Variants in PRKG1 observed in about 807,000 individuals in gnomAD.
PRKG1 encodes the protein protein kinase cGMP-dependent 1.
PRKG1 carries 35 observed loss-of-function variants against 88.1 expected under a neutral mutation model. The ratio of observed to expected loss-of-function variants is 0.40; its 90% CI spans 0.30 to 0.53. The LOEUF is 0.53. Ranked by LOEUF, PRKG1 falls within the 20% of genes least tolerant of loss-of-function variation. The pLI, the probability that PRKG1 is intolerant of heterozygous loss-of-function variation, is 0.59. For missense variants in PRKG1, 540 were observed against 839.8 expected, an observed-to-expected ratio of 0.64 and a Z score of 4.41; for synonymous variants, 303 against 292.5, an observed-to-expected ratio of 1.04 and a Z score of -0.37.
chr10:51,389,922 A>G (rs1306396572), intron 2 of PRKG1, among the ~76,000 whole-genome samples: 1 of 152,136 alleles, frequency 6.6e-6, no homozygotes, highest in Non-Finnish European at 1.5e-5. Flanking sequence ...AATTCTTGAA[A>G]TTCCCATCTG....
At chr10:51,078,594 T>A (rs28716295) in intron 1 of PRKG1, among the ~76,000 whole-genome samples, 1 of 40,364 alleles carries the variant, frequency 2.5e-5, no homozygotes, top group African/African-American at 1.3e-4. Context: ...TTATTTATAT[T>A]TATTTATTTA....
intron 3 of PRKG1, among the ~76,000 whole-genome samples, chr10:51,667,775 A>T (rs2132342206): frequency 6.6e-6 from 1 of 152,120 alleles, no homozygotes; most frequent in East Asian, 1.9e-4. Flanking sequence ...AAATCTTTCA[A>T]AGATTCCAGG....
chr10:51,231,291 A>G (rs1838838141), intron 2 of PRKG1, among the ~76,000 whole-genome samples: 1 of 152,224 alleles, frequency 6.6e-6, no homozygotes, highest in Admixed American at 6.5e-5. Context: ...AAGGGAAGGT[A>G]ACATGAGTTT....
intron 2 of PRKG1, among the ~76,000 whole-genome samples, chr10:51,336,455 T>C (rs991810207): frequency 6.6e-6 from 1 of 152,178 alleles, no homozygotes; most frequent in African/African-American, 2.4e-5. Flanking sequence ...ATGACTAGCT[T>C]GTAATAGGAC....
intron 1 of PRKG1, among the ~76,000 whole-genome samples, chr10:51,135,375 A>G (rs1845662850): frequency 6.6e-6 from 1 of 152,198 alleles, no homozygotes; most frequent in Admixed American, 6.5e-5. Context: ...TGCAAATCCA[A>G]GAAGGAAAAT....
Position 51,329,725 on chromosome 10 carries a change from G to GT in PRKG1, c.479-137991dup, listed in dbSNP as rs544391987. On this transcript the variant is annotated intron_variant, in intron 2 of 17. Transcript: ENST00000373980. ...TTCTTAGCTGGGTTCCTTGTTTTTT[G>GT]TTTTTTTGTTTGTTTGTTTGTTAGT... Among the ~76,000 whole-genome samples the GT allele has an allele frequency of 2.3e-3, 347 of 151,830 alleles. 4 individuals carry two copies. The highest frequency in any genetic ancestry group is 9.0e-3 in the Admixed American group (137 of 15,260).
At chr10:51,870,892 G>T (rs10999855) in intron 4 of PRKG1, among the ~76,000 whole-genome samples, 26,893 of 152,100 alleles carry the variant, frequency 0.18, 2,929 homozygotes, top group East Asian at 0.45. Context: ...TGCTCATGGG[G>T]CTGCTCCAGT....
chr10:51,037,845 G>C (rs1180795952), intron 1 of PRKG1, among the ~76,000 whole-genome samples: 1 of 151,800 alleles, frequency 6.6e-6, no homozygotes, highest in Non-Finnish European at 1.5e-5. Flanking sequence ...CATTTACAAA[G>C]TGTACATTCA....
chr10:51,204,750 G>A (rs1468858373), intron 2 of PRKG1, among the ~76,000 whole-genome samples: 1 of 152,094 alleles, frequency 6.6e-6, no homozygotes, highest in Non-Finnish European at 1.5e-5. Context: ...CCTTAATAGA[G>A]TGTCATCCAT....
intron 9 of PRKG1, among the ~76,000 whole-genome samples, chr10:52,211,149 C>A (rs1839961088): frequency 6.6e-6 from 1 of 152,186 alleles, no homozygotes; most frequent in Admixed American, 6.5e-5. Flanking sequence ...ATAGTCTGTT[C>A]TTTTAAAGTT....
At chr10:51,023,424 TC>T (rs1843165040) in intron 1 of PRKG1, among the ~76,000 whole-genome samples, 1 of 152,194 alleles carries the variant, frequency 6.6e-6, no homozygotes, top group South Asian at 2.1e-4. Flanking sequence ...CAGTGAACTG[TC>T]CAGTGAGATT....
chr10:51,535,271 T>C (rs1842118015), intron 3 of PRKG1, among the ~76,000 whole-genome samples: 1 of 152,232 alleles, frequency 6.6e-6, no homozygotes, highest in Non-Finnish European at 1.5e-5. Context: ...CAATTCAGCA[T>C]CTATTTTCCC....
At chr10:51,958,275 A>G (rs1274571051) in intron 5 of PRKG1, among the ~76,000 whole-genome samples, 2 of 152,180 alleles carry the variant, frequency 1.3e-5, no homozygotes, top group African/African-American at 4.8e-5. Flanking sequence ...GTTCTTATGA[A>G]AAAACAAGTC....
chr10:51,729,083 C>G (rs1444515411), intron 3 of PRKG1, among the ~76,000 whole-genome samples: 2 of 152,108 alleles, frequency 1.3e-5, no homozygotes. Flanking sequence ...AGGCCATCAG[C>G]AAAATGGAAA....
chr10:51,829,121 G>A (rs1839944282), intron 4 of PRKG1, among the ~76,000 whole-genome samples: 1 of 152,174 alleles, frequency 6.6e-6, no homozygotes. Flanking sequence ...TCATTCATGT[G>A]GCTGTTGATA....
At chr10:51,023,081 A>T (rs1295324912) in intron 1 of PRKG1, among the ~76,000 whole-genome samples, 1 of 152,190 alleles carries the variant, frequency 6.6e-6, no homozygotes, top group African/African-American at 2.4e-5. Flanking sequence ...ACTAAGTAGA[A>T]AGGCCATTTG....
chr10:51,947,596 G>A (rs566467130), intron 5 of PRKG1, among the ~76,000 whole-genome samples: 72 of 152,226 alleles, frequency 4.7e-4, no homozygotes, highest in African/African-American at 1.5e-3. Flanking sequence ...GTTCCTATTC[G>A]GCCATCTTGG....
intron 2 of PRKG1, among the ~76,000 whole-genome samples, chr10:51,434,985 C>T (rs1838878048): frequency 6.6e-6 from 1 of 152,040 alleles, no homozygotes; most frequent in Admixed American, 6.6e-5. Flanking sequence ...TGTAATATTT[C>T]TACTTTGTGT....
At chr10:51,670,615 A>T (rs926006557) in intron 3 of PRKG1, among the ~76,000 whole-genome samples, 4 of 148,804 alleles carry the variant, frequency 2.7e-5, no homozygotes, top group Non-Finnish European at 6.0e-5. Flanking sequence ...GGGCGCCTGT[A>T]GTCCCAGCTA....
Sources: allele counts gnomAD v4.1 joint callset (sites outside exome capture counted in the v4.1 genomes callset), GRCh38; gene constraint gnomAD v4.1.1; transcripts MANE v1.5; gene names NCBI Gene and HGNC (gene_info 2026-07-23, HGNC 2026-07-21).